HTT: variants seen among roughly 807,000 people sequenced by gnomAD.
HTT encodes the protein huntington disease protein.
A neutral mutation model predicts 362.3 loss-of-function variants in HTT; 104 were observed. That is an observed-to-expected ratio of 0.29 (90% confidence interval 0.24 to 0.34). The LOEUF (loss-of-function observed/expected upper bound fraction) is 0.34, where lower values mean the gene tolerates loss of function less well. HTT is among the 10% of genes least tolerant of loss of function. The probability of loss-of-function intolerance (pLI) is 1.00; values close to 1 mark genes in which losing one functional copy is unlikely to be tolerated. For synonymous variants in HTT, 1,577 were observed against 1,548.7 expected, an observed-to-expected ratio of 1.02 and a Z score of -0.43; for missense variants, 3,301 against 3,928.6, an observed-to-expected ratio of 0.84 and a Z score of 4.27.
At chr4:3,188,016 A>G (rs1021074498) in intron 39 of HTT, 130 bp downstream of exon 39, 7 of 626,018 alleles carry the variant, frequency 1.1e-5, no homozygotes, top group Admixed American at 2.9e-5. Flanking sequence ...AGTCTGTATC[A>G]GTGTAATTTT....
At chr4:3,222,344 T>A in intron 53 of HTT, 43 bp from the exon 54 acceptor site, 2 of 1,549,278 alleles carry the variant, frequency 1.3e-6, no homozygotes, top group Non-Finnish European at 1.8e-6. Flanking sequence ...GTTACAGGCT[T>A]GAGAAGGGTT....
intron 2 of HTT, 132 bp from the exon 3 acceptor site, chr4:3,099,142 G>C (rs1041471611): frequency 3.1e-5 from 19 of 606,016 alleles, no homozygotes; most frequent in Non-Finnish European, 4.9e-5. Context: ...ACTTTATTCA[G>C]ATTTTCTTAA....
At chr4:3,075,648 A>AGGGGGGGGGGGGGG (rs368641776) in intron 1 of HTT, among the ~76,000 whole-genome samples, 1 of 54,402 alleles carries the variant, frequency 1.8e-5, no homozygotes, top group Non-Finnish European at 4.0e-5. Flanking sequence ...GTGGCGGGGC[A>AGGGGGGGGGGGGGG]GGGGGGGGGC....
intron 52 of HTT, among the ~76,000 whole-genome samples, chr4:3,219,020 G>T (rs935076682): frequency 2.0e-5 from 3 of 152,228 alleles, no homozygotes; most frequent in Non-Finnish European, 4.4e-5. Flanking sequence ...GATCCTGAGA[G>T]ATAAGGATTC....
chr4:3,145,938 C>A (rs1342996662), intron 24 of HTT, among the ~76,000 whole-genome samples: 3 of 152,188 alleles, frequency 2.0e-5, no homozygotes, highest in Non-Finnish European at 4.4e-5. Context: ...TGGCACTAGA[C>A]TTCACTTCTG....
At position 3,101,535 on chromosome 4, in the gene HTT, C is replaced by A. The variant is rs376663233; in HGVS notation, c.468+2141C>A. On this transcript the variant is annotated intron_variant, in intron 3 of 66. Transcript: ENST00000355072. ...TGGGAGAGCACGTGTGACCCCAGGC[C>A]AGCTGTAGGGAGCATAGGCATGGTC... Among the ~76,000 whole-genome samples the A allele has an allele frequency of 9.2e-5, 14 of 152,332 alleles. No homozygotes were observed. In the East Asian group the frequency reaches 2.7e-3, roughly 29 times the overall value.
chr4:3,213,598 G>A (rs770425837), intron 49 of HTT, among the ~76,000 whole-genome samples: 3 of 152,174 alleles, frequency 2.0e-5, no homozygotes, highest in Admixed American at 6.5e-5. Context: ...TAGAACCCAC[G>A]CTCTCAAATT....
chr4:3,078,459 T>C (rs893856392), intron 1 of HTT, among the ~76,000 whole-genome samples: 1 of 152,228 alleles, frequency 6.6e-6, no homozygotes, highest in African/African-American at 2.4e-5. Context: ...TGTTAACTTA[T>C]TTTTATTTTT....
chr4:3,208,074 T>C (rs1719957988), intron 45 of HTT, among the ~76,000 whole-genome samples: 1 of 152,182 alleles, frequency 6.6e-6, no homozygotes, highest in South Asian at 2.1e-4. Flanking sequence ...TTTCAGTCTT[T>C]AGAGTACCTT....
Position 3,132,595 on chromosome 4 carries a change from T to C in HTT, c.2270T>C (p.Ile757Thr), listed in dbSNP as rs1239586233. 6 of 1,613,984 alleles carry C rather than the reference T, an allele frequency of 3.7e-6. No individual in the cohort carries two copies. The highest frequency in any genetic ancestry group is 4.2e-6 in the Non-Finnish European group (5 of 1,179,970). The change falls in exon 17 of 67, where the codon ATC becomes ACC. Residue 757 changes from isoleucine to threonine, a missense_variant. Around this residue, in one of 4 missense-constraint regions of HTT, gnomAD observed 2,316 missense variants for 2,658.5 expected, o/e 0.87. Transcript: ENST00000355072. ...EQYVSDILNY[I>T]DHGDPQVRGA... ...TATGTCTCAGACATCTTGAACTACA[T>C]CGATCATGGAGACCCACAGGTTCGA... is the stretch of plus-strand genomic sequence containing the variant.
At chr4:3,130,129 G>A (rs1715732303) in intron 13 of HTT, 82 bp downstream of exon 13, 1 of 1,390,814 alleles carries the variant, frequency 7.2e-7, no homozygotes, top group Non-Finnish European at 9.8e-7. Flanking sequence ...CTTCCAAGAA[G>A]AAGTCCTTTG....
At chr4:3,182,527 G>C (rs1386811585) in intron 37 of HTT, 57 bp downstream of exon 37, 20 of 1,088,446 alleles carry the variant, frequency 1.8e-5, no homozygotes, top group African/African-American at 7.7e-5. Context: ...TAAGGTCCTT[G>C]TGAAAGGTGG....
At chr4:3,169,522 A>G (rs552093906) in intron 29 of HTT, among the ~76,000 whole-genome samples, 77 of 148,990 alleles carry the variant, frequency 5.2e-4, no homozygotes, top group Non-Finnish European at 4.0e-4. Flanking sequence ...CTTTTCTTCT[A>G]CAGTGTCTAC....
At chr4:3,158,856 T>C (rs116619027) in intron 28 of HTT, among the ~76,000 whole-genome samples, 167 of 152,282 alleles carry the variant, frequency 1.1e-3, no homozygotes, top group African/African-American at 3.8e-3. Context: ...TTTCAACTCA[T>C]ATCATCTTGA....
At chr4:3,175,948 A>G (rs1170192572) in intron 33 of HTT, among the ~76,000 whole-genome samples, 1 of 151,286 alleles carries the variant, frequency 6.6e-6, no homozygotes, top group Admixed American at 6.6e-5. Context: ...AGGAGAACTG[A>G]GGGCACTCGG....
rs76157615 is a variant in HTT at position 3,105,019 on chromosome 4, A to G, written c.529-338A>G. Among the ~76,000 whole-genome samples the G allele has an allele frequency of 3.3e-5, 5 of 152,298 alleles. No homozygotes were observed. In the East Asian group the frequency reaches 9.6e-4, roughly 29 times the overall value. ...TCTTGGGCCCTTATTTCCATCACTG[A>G]GCAAACTTCACTCTGTTAAGCAGCA... On this transcript the variant is annotated intron_variant, in intron 4 of 66. Transcript: ENST00000355072.
chr4:3,145,676 C>T (rs1320826238), intron 24 of HTT, among the ~76,000 whole-genome samples: 3 of 152,234 alleles, frequency 2.0e-5, no homozygotes, highest in Non-Finnish European at 2.9e-5. Flanking sequence ...GATGGCCCTA[C>T]TAGCATCTGG....
chr4:3,127,374 C>T lies in HTT; in HGVS notation c.1513C>T (p.Leu505=), dbSNP rs746393388. 3.7e-6 allele frequency: 6 copies of T among 1,614,186 alleles called. No homozygotes were observed. In the South Asian group the frequency reaches 6.6e-5, roughly 18 times the overall value. ...AGAACAGCCACGGTCACAGCACACACTGCAGGCGGACTCAGTGGATCTGGC... is the reference window on the plus strand; with the variant it reads ...AGAACAGCCACGGTCACAGCACACATTGCAGGCGGACTCAGTGGATCTGGC... ...ITEQPRSQHT[L]QADSVDLASC... The change falls in exon 12 of 67, where the codon CTG becomes TTG. Residue 505 remains leucine (L), a synonymous_variant. Transcript: ENST00000355072.
At chr4:3,221,270 G>A (rs886943877) in intron 53 of HTT, among the ~76,000 whole-genome samples, 1 of 152,166 alleles carries the variant, frequency 6.6e-6, no homozygotes, top group Non-Finnish European at 1.5e-5. Flanking sequence ...TCCAAAGAGA[G>A]CCCTGAGCAG....
Sources: gnomAD v4.1 joint callset for allele counts (sites outside exome capture counted in the v4.1 genomes callset) on GRCh38, gnomAD v4.1.1 for gene constraint, gnomAD v4.1.1 regional missense constraint, MANE v1.5 for transcripts, NCBI Gene and HGNC (gene_info 2026-07-23, HGNC 2026-07-21) for gene names.